Variants in LPCAT3 observed in about 807,000 individuals in gnomAD.
LPCAT3 encodes the protein lysophospholipid acyltransferase 5.
A neutral mutation model predicts 63.4 loss-of-function variants in LPCAT3; 21 were observed. The observed-to-expected ratio is 0.33, with a 90% CI of 0.23 to 0.48. LPCAT3 has a LOEUF of 0.48. LPCAT3 is among the 20% of genes least tolerant of loss of function. The probability of loss-of-function intolerance (pLI) is 0.99; values close to 1 mark genes in which losing one functional copy is unlikely to be tolerated. For synonymous variants in LPCAT3, 242 were observed against 227.5 expected (o/e 1.06, Z -0.58); for missense variants, 451 against 590.6 (o/e 0.76, Z 2.45).
intron 1 of LPCAT3, chr12:6,988,514 C>T (rs1268419865): frequency 6.6e-6 from 1 of 152,192 alleles, no homozygotes; most frequent in Non-Finnish European, 1.5e-5. Flanking sequence ...GGGTGTGACC[C>T]TACAAGATGT....
At chr12:6,981,487 A>G in intron 5 of LPCAT3, 108 bp downstream of exon 5, 1 of 1,075,210 alleles carries the variant, frequency 9.3e-7, no homozygotes, top group Non-Finnish European at 1.4e-6. Context: ...CAGGCTGGGG[A>G]ATGAGGGAGA....
At chr12:6,981,504 G>A (rs987939802) in intron 5 of LPCAT3, 91 bp downstream of exon 5, 9 of 1,276,662 alleles carry the variant, frequency 7.0e-6, no homozygotes, top group Admixed American at 1.7e-5. Flanking sequence ...GAGAGGCTCC[G>A]CTCTGGAATT....
At chr12:6,992,832 C>T (rs1946601515) in intron 1 of LPCAT3, among the ~76,000 whole-genome samples, 1 of 152,192 alleles carries the variant, frequency 6.6e-6, no homozygotes, top group Non-Finnish European at 1.5e-5. Flanking sequence ...ACCACAGATG[C>T]TCAAGTCCCT....
chr12:6,998,947 C>A (rs2086653323), intron 1 of LPCAT3, among the ~76,000 whole-genome samples: 3 of 152,256 alleles, frequency 2.0e-5, no homozygotes, highest in African/African-American at 7.2e-5. Context: ...TTAGAATCCA[C>A]ATCACCTGAT....
At chr12:6,985,637 C>T (rs1946516860) in intron 1 of LPCAT3, among the ~76,000 whole-genome samples, 1 of 151,682 alleles carries the variant, frequency 6.6e-6, no homozygotes, top group Admixed American at 6.6e-5. Context: ...ATCACTTGAA[C>T]CTGGGAGGCA....
At chr12:6,981,257 C>T in intron 5 of LPCAT3, 75 bp from the exon 6 acceptor site, 2 of 1,190,140 alleles carry the variant, frequency 1.7e-6, no homozygotes, top group African/African-American at 1.5e-5. Flanking sequence ...GTGTTCCCCA[C>T]CTGTGTGCCC....
At chr12:7,002,855 A>G (rs782348852) in intron 1 of LPCAT3, among the ~76,000 whole-genome samples, 35 of 152,204 alleles carry the variant, frequency 2.3e-4, no homozygotes, top group Non-Finnish European at 4.0e-4. Flanking sequence ...CTAAAAATAC[A>G]AAAGTTAGCT....
In LPCAT3 at chr12:6,977,089, A is replaced by G; in HGVS notation, c.*12+45T>C. On this transcript the variant is annotated intron_variant, in intron 12 of 12. Coordinates refer to ENST00000261407, the MANE Select transcript of LPCAT3 (RefSeq NM_005768.6). This position sits in a 1 kb window ranked among gnomAD's most constrained non-coding sequence, Gnocchi z 4.5. Reference sequence around the variant, plus strand: ...TTGTTTTTTTCCAGTCTGTTGCTCTATTCTGTAACCTGGTGGTAGTTTTAG... The same window carrying G: ...TTGTTTTTTTCCAGTCTGTTGCTCTGTTCTGTAACCTGGTGGTAGTTTTAG... The G allele has an allele frequency of 8.3e-7, 1 of 1,200,812 alleles. No individual in the cohort carries two copies. The highest frequency in any genetic ancestry group is 1.2e-6 in the Non-Finnish European group (1 of 806,232). The allele number at this position is 1,200,812 out of a possible 1,614,324, so 74.4% of individuals were successfully genotyped here. A position where few individuals can be genotyped will look rare whatever the true frequency, so the allele number is the denominator to read the frequency against.
At chr12:7,009,131 G>A (rs995215428) in intron 1 of LPCAT3, among the ~76,000 whole-genome samples, 3 of 151,812 alleles carry the variant, frequency 2.0e-5, no homozygotes, top group Non-Finnish European at 2.9e-5. Context: ...GTGCAATCTC[G>A]GCTCACTACA....
chr12:7,002,411 T>A (rs1946694125), intron 1 of LPCAT3, among the ~76,000 whole-genome samples: 1 of 152,204 alleles, frequency 6.6e-6, no homozygotes, highest in East Asian at 1.9e-4. Context: ...GCCCAAAGGT[T>A]GCCCTGCCAC....
Position 6,987,109 on chromosome 12 carries a change from C to T in LPCAT3, c.152-3570G>A, listed in dbSNP as rs1310470816. Among the ~76,000 whole-genome samples the T allele has an allele frequency of 2.9e-5, 4 of 137,040 alleles. No individual in the cohort carries two copies. Among genetic ancestry groups the T allele is most frequent in the African/African-American group, 1.4e-4 (4 of 28,888 alleles). The allele number at this position is 137,040 out of a possible 152,430, so 89.9% of individuals were successfully genotyped here. ...GCTTGGGCAACGAGCAAGATTCTGT[C>T]TCAAAAAAAAAAGAAAAAAAAGTTT... On this transcript the variant is annotated intron_variant, in intron 1 of 12. Coordinates refer to ENST00000261407, the MANE Select transcript of LPCAT3 (RefSeq NM_005768.6). The surrounding 1 kb of genome is among the most constrained non-coding windows in gnomAD (Gnocchi z 4.1).
At chr12:7,005,104 TC>T (rs1946717213) in intron 1 of LPCAT3, among the ~76,000 whole-genome samples, 1 of 152,190 alleles carries the variant, frequency 6.6e-6, no homozygotes, top group African/African-American at 2.4e-5. Flanking sequence ...AATTCACCCT[TC>T]CTCTTATCCC....
chr12:7,001,109 C>T (rs1006950975), intron 1 of LPCAT3, among the ~76,000 whole-genome samples: 1 of 152,042 alleles, frequency 6.6e-6, no homozygotes, highest in Admixed American at 6.6e-5. Flanking sequence ...CCGCTTCGAA[C>T]TGACTTAACT....
chr12:6,985,771 G>GT (rs1220627223), intron 1 of LPCAT3, among the ~76,000 whole-genome samples: 6,837 of 135,554 alleles, frequency 0.05, 466 homozygotes, highest in African/African-American at 0.15. Flanking sequence ...ATCAACTGGT[G>GT]TTTTTTTTTT....
intron 1 of LPCAT3, among the ~76,000 whole-genome samples, chr12:7,014,866 G>A (rs1430873381): frequency 7.0e-6 from 1 of 143,560 alleles, no homozygotes; most frequent in African/African-American, 2.6e-5. Context: ...GCACTCCAGT[G>A]TGGGTGACAG....
At chr12:6,981,242 T>C in intron 5 of LPCAT3, 60 bp from the exon 6 acceptor site, 1 of 1,397,042 alleles carries the variant, frequency 7.2e-7, no homozygotes, top group Non-Finnish European at 9.8e-7. Context: ...CAAGAGCCAC[T>C]TTGAGTGTTC....
chr12:6,978,159 T>C, intron 9 of LPCAT3, 182 bp downstream of exon 9: 1 of 706,074 alleles, frequency 1.4e-6, no homozygotes, highest in East Asian at 2.6e-5. Context: ...TTTTTTCAAA[T>C]ATGACAGTAA....
intron 1 of LPCAT3, 78 bp from the exon 2 acceptor site, chr12:6,983,617 T>A: frequency 1.2e-6 from 1 of 864,374 alleles, no homozygotes; most frequent in Non-Finnish European, 1.9e-6. Flanking sequence ...TTATCTGGCA[T>A]GAAACGCAGC....
chr12:6,982,613 C>T, intron 3 of LPCAT3, 63 bp downstream of exon 3: 1 of 1,253,420 alleles, frequency 8.0e-7, no homozygotes, highest in Non-Finnish European at 1.2e-6. Flanking sequence ...CAGTCCCCTG[C>T]CTACCCCTGT....
Sources: gnomAD v4.1 joint callset for allele counts (sites outside exome capture counted in the v4.1 genomes callset) on GRCh38, gnomAD v4.1.1 for gene constraint, Gnocchi (gnomAD v3.1) non-coding constraint, MANE v1.5 for transcripts, NCBI Gene and HGNC (gene_info 2026-07-23, HGNC 2026-07-21) for gene names.